SLC44A1: variants seen among roughly 807,000 people sequenced by gnomAD.
The protein encoded by SLC44A1 is solute carrier family 44 member 1.
SLC44A1 carries 26 observed loss-of-function variants against 79.3 expected under a neutral mutation model. The observed-to-expected ratio is 0.33, with a 90% CI of 0.24 to 0.46. The LOEUF (loss-of-function observed/expected upper bound fraction) is 0.46. SLC44A1 is among the 20% of genes least tolerant of loss of function. The probability of loss-of-function intolerance (pLI) is 1.00; values close to 1 mark genes in which losing one functional copy is unlikely to be tolerated. For missense variants in SLC44A1, 688 were observed against 798.1 expected, an observed-to-expected ratio of 0.86 and a Z score of 1.66; for synonymous variants, 263 against 286.2, an observed-to-expected ratio of 0.92 and a Z score of 0.82.
At position 105,408,311 on chromosome 9, in the gene SLC44A1, A is replaced by G. The variant is rs74942726; in HGVS notation, c.1950+22809A>G. On this transcript the variant is annotated intron_variant, in intron 15 of 15. Transcript: ENST00000374724. ...TGAAAGAACACAAGTAACTCTAGCT[A>G]TACAAAAAAATAAAAAATAAAAACA... 2.6e-4 allele frequency among the ~76,000 whole-genome samples: 39 copies of G among 152,358 alleles called. No homozygotes were observed. In the East Asian group the frequency reaches 7.5e-3, roughly 29 times the overall value.
intron 12 of SLC44A1, among the ~76,000 whole-genome samples, chr9:105,370,351 G>C (rs1828059234): frequency 6.6e-6 from 1 of 152,182 alleles, no homozygotes; most frequent in Non-Finnish European, 1.5e-5. Context: ...GAGTGAAAGA[G>C]CTTGCAAAAT....
intron 5 of SLC44A1, among the ~76,000 whole-genome samples, chr9:105,352,976 G>T (rs905063914): frequency 2.6e-5 from 4 of 152,132 alleles, no homozygotes; most frequent in Non-Finnish European, 5.9e-5. Context: ...TCAAACAAGG[G>T]AATCTAGTGC....
chr9:105,318,159 T>C (rs771526869), intron 3 of SLC44A1, among the ~76,000 whole-genome samples: 2 of 152,198 alleles, frequency 1.3e-5, no homozygotes, highest in Non-Finnish European at 2.9e-5. Flanking sequence ...GAAAACTTAT[T>C]GTATTATTTA....
chr9:105,380,051 G>A (rs1461748064), intron 13 of SLC44A1, among the ~76,000 whole-genome samples: 6 of 152,284 alleles, frequency 3.9e-5, no homozygotes, highest in South Asian at 4.1e-4. Flanking sequence ...GAAAAGAAAG[G>A]AAGGGAGAGA....
intron 3 of SLC44A1, among the ~76,000 whole-genome samples, chr9:105,319,197 A>G (rs1199660696): frequency 1.3e-5 from 2 of 152,174 alleles, no homozygotes; most frequent in African/African-American, 4.8e-5. Flanking sequence ...CCCCAATTGC[A>G]AGATCAGGGG....
intron 3 of SLC44A1, among the ~76,000 whole-genome samples, chr9:105,332,583 C>T (rs543119846): frequency 1.3e-5 from 2 of 152,274 alleles, no homozygotes; most frequent in South Asian, 4.2e-4. Flanking sequence ...GTGTTAATTT[C>T]ACAGTGTTGT....
At chr9:105,382,525 A>T (rs1009288473) in intron 13 of SLC44A1, among the ~76,000 whole-genome samples, 1 of 152,188 alleles carries the variant, frequency 6.6e-6, no homozygotes, top group Non-Finnish European at 1.5e-5. Flanking sequence ...AAGACTATAC[A>T]TGTTTGTTGC....
At chr9:105,362,178 G>A (rs186821791) in intron 8 of SLC44A1, among the ~76,000 whole-genome samples, 5 of 151,994 alleles carry the variant, frequency 3.3e-5, no homozygotes, top group East Asian at 3.9e-4. Context: ...GTTCATCATC[G>A]TCTTCTCTCT....
At chr9:105,407,715 C>G (rs915383462) in intron 15 of SLC44A1, among the ~76,000 whole-genome samples, 1 of 151,490 alleles carries the variant, frequency 6.6e-6, no homozygotes, top group Non-Finnish European at 1.5e-5. Context: ...ACTAAAAATA[C>G]AAAAATTAGC....
intron 13 of SLC44A1, among the ~76,000 whole-genome samples, chr9:105,382,785 G>A (rs1056657135): frequency 3.9e-5 from 6 of 152,026 alleles, no homozygotes; most frequent in East Asian, 1.9e-4. Context: ...AGTGCTAAGA[G>A]TTTGTAAATT....
At chr9:105,251,139 C>G (rs1260691820) in intron 1 of SLC44A1, among the ~76,000 whole-genome samples, 1 of 152,180 alleles carries the variant, frequency 6.6e-6, no homozygotes, top group Non-Finnish European at 1.5e-5. Flanking sequence ...AGCATTTACA[C>G]TAGAATATTG....
At chr9:105,307,073 A>G (rs1831051235) in intron 2 of SLC44A1, among the ~76,000 whole-genome samples, 1 of 152,166 alleles carries the variant, frequency 6.6e-6, no homozygotes, top group Non-Finnish European at 1.5e-5. Context: ...TGACTTTCCC[A>G]TTCAAATTCA....
Position 105,252,824 on chromosome 9 carries a change from T to A in SLC44A1, c.36+7920T>A, listed in dbSNP as rs1027197084. Among the ~76,000 whole-genome samples, 4 of 152,264 alleles carry A rather than the reference T, an allele frequency of 2.6e-5. No individual in the cohort carries two copies. In the East Asian group the frequency reaches 7.7e-4, roughly 29 times the overall value. ...TAATATTTCCTCCTTTTTGATACTT[T>A]TTGTTTTCTAATTTATTTGGAATAT... On this transcript the variant is annotated intron_variant, in intron 1 of 15. Transcript: ENST00000374720.
At chr9:105,436,688 C>G (rs912491995) in intron 15 of SLC44A1, among the ~76,000 whole-genome samples, 1 of 152,020 alleles carries the variant, frequency 6.6e-6, no homozygotes, top group Non-Finnish European at 1.5e-5. Context: ...ACTAATGTGG[C>G]GAAAGCAACA....
At chr9:105,369,772 T>C (rs1828045040) in intron 12 of SLC44A1, among the ~76,000 whole-genome samples, 1 of 152,342 alleles carries the variant, frequency 6.6e-6, no homozygotes, top group East Asian at 1.9e-4. Context: ...GGAAAGAAGA[T>C]GTGAAAATGA....
At chr9:105,416,059 G>T (rs566146043) in intron 15 of SLC44A1, among the ~76,000 whole-genome samples, 24 of 151,846 alleles carry the variant, frequency 1.6e-4, no homozygotes, top group South Asian at 6.2e-4. Context: ...CCACCACCAT[G>T]CCCAGCTAGT....
rs191931723 is a variant in SLC44A1, at chr9:105,390,348, A to T, written c.*1292A>T. 3.1e-4 allele frequency: 307 copies of T among 978,764 alleles called. No individual in the cohort carries two copies. The highest frequency in any genetic ancestry group is 1.1e-3 in the Middle Eastern group (2 of 1,900). 60.6% of individuals were successfully genotyped at this position (978,764 alleles called of 1,614,324 possible). On this transcript the variant is annotated 3_prime_UTR_variant, in exon 16 of 16. Transcript: ENST00000374720. ...AACTCCTTTTTGTTACAATTTTTTT[A>T]AAAAAAGCTATTTTTGTTAATGTAA...
chr9:105,349,225 C>G (rs982153759), intron 5 of SLC44A1, among the ~76,000 whole-genome samples: 1 of 152,096 alleles, frequency 6.6e-6, no homozygotes, highest in Non-Finnish European at 1.5e-5. Flanking sequence ...TTGGTCAGAT[C>G]ACAACCTTAG....
In SLC44A1 at chr9:105,389,187, A is replaced by C; in HGVS notation, c.*131A>C. The C allele has an allele frequency of 7.2e-7, 1 of 1,382,164 alleles. No homozygotes were observed. Among genetic ancestry groups the C allele is most frequent in the Non-Finnish European group, 9.5e-7 (1 of 1,056,494 alleles). The allele number at this position is 1,382,164 out of a possible 1,614,324, so 85.6% of individuals were successfully genotyped here. A position where few individuals can be genotyped will look rare whatever the true frequency, so the allele number is the denominator to read the frequency against. On this transcript the variant is annotated 3_prime_UTR_variant, in exon 16 of 16. Transcript: ENST00000374720. ...TATATATGTATATGTATATACACAC[A>C]CACACATAAATCAGCCAAAATCAGA...
Sources: gnomAD v4.1 joint callset for allele counts (sites outside exome capture counted in the v4.1 genomes callset) on GRCh38, gnomAD v4.1.1 for gene constraint, MANE v1.5 for transcripts, NCBI Gene and HGNC (gene_info 2026-07-23, HGNC 2026-07-21) for gene names.